BABAM2: variants seen among roughly 807,000 people sequenced by gnomAD.
The protein encoded by BABAM2 is BRISC and BRCA1-A complex member 2.
A neutral mutation model predicts 54.7 loss-of-function variants in BABAM2; 31 were observed. The ratio of observed to expected loss-of-function variants is 0.57; its 90% CI spans 0.43 to 0.77. The LOEUF (loss-of-function observed/expected upper bound fraction) is 0.77. Ranked by LOEUF, BABAM2 falls within the 30% of genes least tolerant of loss-of-function variation. BABAM2 has a pLI of 0.00. For missense variants in BABAM2, 364 were observed against 455.8 expected (o/e 0.80, Z 1.83); for synonymous variants, 167 against 162.9 (o/e 1.03, Z -0.19).
At chr2:27,962,362 A>C (rs991142541) in intron 3 of BABAM2, among the ~76,000 whole-genome samples, 1 of 152,174 alleles carries the variant, frequency 6.6e-6, no homozygotes, top group African/African-American at 2.4e-5. Flanking sequence ...TGGCCTCCCA[A>C]AGTGGTGGGA....
chr2:28,210,488 A>G (rs1317620067), intron 7 of BABAM2, among the ~76,000 whole-genome samples: 1 of 152,202 alleles, frequency 6.6e-6, no homozygotes, highest in Non-Finnish European at 1.5e-5. Flanking sequence ...AGTATTAAAG[A>G]AGGCCTTAGA....
At chr2:27,894,809 C>A (rs1453565633) in intron 2 of BABAM2, 125 bp downstream of exon 2, 8 of 1,108,044 alleles carry the variant, frequency 7.2e-6, no homozygotes, top group Non-Finnish European at 9.1e-6. Context: ...ATCATCTCAT[C>A]ATATGTTGAT....
intron 7 of BABAM2, among the ~76,000 whole-genome samples, chr2:28,166,066 G>A (rs947108425): frequency 6.6e-6 from 1 of 152,136 alleles, no homozygotes; most frequent in Non-Finnish European, 1.5e-5. Flanking sequence ...ACAGAGGGAA[G>A]ACGCAGGGAG....
chr2:27,984,516 C>T (rs1236398403), intron 3 of BABAM2, among the ~76,000 whole-genome samples: 1 of 152,030 alleles, frequency 6.6e-6, no homozygotes, highest in Non-Finnish European at 1.5e-5. Flanking sequence ...GGTGGTTGTA[C>T]TACTTTTGAT....
At chr2:28,047,474 G>A (rs1677671719) in intron 6 of BABAM2, among the ~76,000 whole-genome samples, 1 of 152,110 alleles carries the variant, frequency 6.6e-6, no homozygotes. Context: ...TGCCTTATCA[G>A]TTTCAGCAGT....
At chr2:27,971,695 T>G (rs1342906639) in intron 3 of BABAM2, among the ~76,000 whole-genome samples, 1 of 143,634 alleles carries the variant, frequency 7.0e-6, no homozygotes, top group African/African-American at 2.7e-5. Context: ...TTCCCATGTG[T>G]TTTTTTTTTT....
At chr2:28,248,630 A>G (rs992441565) in intron 10 of BABAM2, among the ~76,000 whole-genome samples, 1 of 152,196 alleles carries the variant, frequency 6.6e-6, no homozygotes, top group Non-Finnish European at 1.5e-5. Flanking sequence ...AGTCAACTGC[A>G]CTGTAAGTAG....
At chr2:27,912,560 T>A (rs1240474802) in intron 2 of BABAM2, among the ~76,000 whole-genome samples, 2 of 152,062 alleles carry the variant, frequency 1.3e-5, no homozygotes, top group African/African-American at 2.4e-5. Flanking sequence ...AATGGAAGAT[T>A]GGAATTATAG....
intron 11 of BABAM2, 87 bp downstream of exon 11, chr2:28,298,578 T>C (rs1341615426): frequency 1.3e-6 from 2 of 1,482,924 alleles, no homozygotes; most frequent in Admixed American, 3.9e-5. Flanking sequence ...TGCAGGTTAG[T>C]TCCTGCCCTG....
intron 3 of BABAM2, among the ~76,000 whole-genome samples, chr2:27,968,680 G>A (rs1432242095): frequency 6.6e-6 from 1 of 152,216 alleles, no homozygotes; most frequent in African/African-American, 2.4e-5. Flanking sequence ...GAGGACGGCT[G>A]TACCCTGCAA....
intron 7 of BABAM2, among the ~76,000 whole-genome samples, chr2:28,149,628 G>C (rs930428367): frequency 6.6e-6 from 1 of 152,026 alleles, no homozygotes; most frequent in East Asian, 1.9e-4. Flanking sequence ...GTTTTCCTGC[G>C]CTCTTTCCAC....
chr2:28,102,062 T>A (rs144662545), intron 6 of BABAM2, among the ~76,000 whole-genome samples: 2 of 152,352 alleles, frequency 1.3e-5, no homozygotes, highest in Non-Finnish European at 2.9e-5. Flanking sequence ...AGGCTATTTA[T>A]GAATTGGCTG....
chr2:27,994,633 T>G (rs1405665689), intron 4 of BABAM2, among the ~76,000 whole-genome samples: 1 of 152,270 alleles, frequency 6.6e-6, no homozygotes, highest in East Asian at 1.9e-4. Flanking sequence ...TTACTTTGGT[T>G]GTTGTTCATG....
chr2:27,943,054 G>A (rs991947450), intron 3 of BABAM2, among the ~76,000 whole-genome samples: 2 of 152,122 alleles, frequency 1.3e-5, no homozygotes, highest in African/African-American at 4.8e-5. Flanking sequence ...GCCTCCCAAA[G>A]TGTTGGGATT....
chr2:28,120,237 T>C (rs764532058), intron 6 of BABAM2, among the ~76,000 whole-genome samples: 1 of 152,224 alleles, frequency 6.6e-6, no homozygotes, highest in Non-Finnish European at 1.5e-5. Flanking sequence ...GCGCAGACAA[T>C]ATCATTTATT....
intron 4 of BABAM2, among the ~76,000 whole-genome samples, chr2:28,010,645 C>G (rs955431593): frequency 5.3e-5 from 8 of 152,010 alleles, no homozygotes; most frequent in Admixed American, 2.0e-4. Flanking sequence ...GTGACAGGAA[C>G]CTGATTCAAA....
intron 7 of BABAM2, among the ~76,000 whole-genome samples, chr2:28,181,524 G>A (rs1675623299): frequency 6.6e-6 from 1 of 152,094 alleles, no homozygotes; most frequent in East Asian, 1.9e-4. Flanking sequence ...TGTTAACAAT[G>A]TATTGTATAT....
chr2:28,026,971 A>ATAAATATAT (rs1558668237), intron 5 of BABAM2, among the ~76,000 whole-genome samples: 1 of 86,916 alleles, frequency 1.2e-5, no homozygotes, highest in African/African-American at 6.9e-5. Flanking sequence ...TATATATATA[A>ATAAATATAT]ATATATAAAT....
At chr2:28,104,767 T>C (rs1008784894) in intron 6 of BABAM2, among the ~76,000 whole-genome samples, 22 of 152,280 alleles carry the variant, frequency 1.4e-4, no homozygotes, top group Admixed American at 9.8e-4. Context: ...CTATTCACAA[T>C]AGCAAAGACT....
Sources: gnomAD v4.1 joint callset for allele counts (sites outside exome capture counted in the v4.1 genomes callset) on GRCh38, gnomAD v4.1.1 for gene constraint, MANE v1.5 for transcripts, NCBI Gene and HGNC (gene_info 2026-07-23, HGNC 2026-07-21) for gene names.